USH2A: variants seen among roughly 807,000 people sequenced by gnomAD.
USH2A encodes Usher syndrome 2A (autosomal recessive, mild).
In USH2A, 443 loss-of-function variants were observed where a neutral mutation model predicts 538.9. The observed-to-expected ratio is 0.82, with a 90% confidence interval of 0.76 to 0.89. USH2A has a LOEUF of 0.89. USH2A is among the 40% of genes least tolerant of loss of function. USH2A has a pLI of 0.00. For missense variants in USH2A, 6,633 were observed against 6,324.8 expected (o/e 1.05, Z -1.65); for synonymous variants, 2,413 against 2,273.5 (o/e 1.06, Z -1.75).
chr1:216,011,492 C>T (rs954076858), intron 32 of USH2A, among the ~76,000 whole-genome samples: 3 of 152,110 alleles, frequency 2.0e-5, no homozygotes, highest in Non-Finnish European at 2.9e-5. Context: ...ATCTCCCAAA[C>T]CTCAATCCCT....
At chr1:216,417,529 T>C (rs72733372) in intron 3 of USH2A, among the ~76,000 whole-genome samples, 1 of 152,092 alleles carries the variant, frequency 6.6e-6, no homozygotes, top group Non-Finnish European at 1.5e-5. Context: ...CGTTTTCTCA[T>C]CAGTACTTTA....
intron 4 of USH2A, among the ~76,000 whole-genome samples, chr1:216,346,997 G>T (rs1053954448): frequency 6.6e-6 from 1 of 152,040 alleles, no homozygotes; most frequent in East Asian, 1.9e-4. Flanking sequence ...CTTTAGGAAT[G>T]TTTGGGAAAT....
intron 61 of USH2A, among the ~76,000 whole-genome samples, chr1:215,680,882 GTA>G (rs928496915): frequency 1.3e-5 from 2 of 152,056 alleles, no homozygotes; most frequent in African/African-American, 2.4e-5. Context: ...CTCTTGGCAT[GTA>G]TATATATCTT....
intron 4 of USH2A, among the ~76,000 whole-genome samples, chr1:216,341,479 G>T (rs975928582): frequency 1.3e-5 from 2 of 152,062 alleles, no homozygotes; most frequent in African/African-American, 4.8e-5. Flanking sequence ...TTTCTTCACA[G>T]AATTAGAAAA....
intron 16 of USH2A, among the ~76,000 whole-genome samples, chr1:216,201,302 CT>C (rs976254448): frequency 2.7e-5 from 4 of 148,144 alleles, no homozygotes; most frequent in Non-Finnish European, 3.0e-5. Context: ...CATTCCCAGT[CT>C]TTTTTCTTTT....
At chr1:215,720,515 A>G (rs754601282) in intron 61 of USH2A, among the ~76,000 whole-genome samples, 4 of 152,222 alleles carry the variant, frequency 2.6e-5, no homozygotes, top group Non-Finnish European at 4.4e-5. Flanking sequence ...AATGAATTCC[A>G]AAGTTAGGAG....
At chr1:215,635,156 T>C (rs1656435054) in intron 69 of USH2A, among the ~76,000 whole-genome samples, 2 of 152,194 alleles carry the variant, frequency 1.3e-5, no homozygotes, top group Non-Finnish European at 2.9e-5. Context: ...AGATCTGAGG[T>C]GTACTTGCTT....
chr1:216,198,057 A>G lies in USH2A; in HGVS notation c.4081+258T>C, dbSNP rs12031019. On this transcript the variant is annotated intron_variant, in intron 18 of 71. Coordinates refer to ENST00000307340, the MANE Select transcript of USH2A (RefSeq NM_206933.4). ...TTTTGACAAACATTCCCAGAAGACTATAACTATAGTTAAGCCATTTTCGCC... is the reference window on the plus strand; with the variant it reads ...TTTTGACAAACATTCCCAGAAGACTGTAACTATAGTTAAGCCATTTTCGCC... 2.0e-4 allele frequency among the ~76,000 whole-genome samples: 30 copies of G among 152,256 alleles called. No individual in the cohort carries two copies. In the East Asian group the frequency reaches 4.7e-3, roughly 24 times the overall value.
intron 14 of USH2A, 115 bp from the exon 15 acceptor site, chr1:216,217,665 T>C (rs1197811391): frequency 8.2e-7 from 1 of 1,226,494 alleles, no homozygotes; most frequent in African/African-American, 1.5e-5. Flanking sequence ...TTAGCCAATA[T>C]ATTGAAAAGA....
intron 70 of USH2A, among the ~76,000 whole-genome samples, chr1:215,631,808 C>A (rs1656291900): frequency 6.6e-6 from 1 of 152,166 alleles, no homozygotes; most frequent in South Asian, 2.1e-4. Flanking sequence ...TGCATTTCCC[C>A]GATGGTAAAG....
chr1:216,128,545 C>T (rs552983931), intron 21 of USH2A, among the ~76,000 whole-genome samples: 11 of 152,164 alleles, frequency 7.2e-5, no homozygotes, highest in East Asian at 5.8e-4. Flanking sequence ...TATCTATCCT[C>T]GAAGACTTCC....
intron 11 of USH2A, among the ~76,000 whole-genome samples, chr1:216,269,199 G>A (rs183123854): frequency 2.0e-5 from 3 of 152,216 alleles, no homozygotes; most frequent in African/African-American, 7.2e-5. Flanking sequence ...GTTGTGGGGG[G>A]AGACCCAGTG....
At chr1:216,356,146 C>T (rs894742270) in intron 4 of USH2A, among the ~76,000 whole-genome samples, 5 of 152,046 alleles carry the variant, frequency 3.3e-5, no homozygotes, top group African/African-American at 1.2e-4. Flanking sequence ...CTTTGCTTCT[C>T]AGGCACAAAT....
chr1:215,914,068 C>CTTTTTT (rs11366554), intron 38 of USH2A, among the ~76,000 whole-genome samples: 4 of 92,004 alleles, frequency 4.3e-5, no homozygotes, highest in African/African-American at 1.2e-4. Context: ...AAGCAACAGA[C>CTTTTTT]TTTTTTTTTT....
chr1:216,149,569 C>T (rs1009767270), intron 21 of USH2A, among the ~76,000 whole-genome samples: 1 of 152,208 alleles, frequency 6.6e-6, no homozygotes, highest in African/African-American at 2.4e-5. Flanking sequence ...CGAGATGCTA[C>T]AGGGTACAGT....
intron 42 of USH2A, among the ~76,000 whole-genome samples, 175 bp from the exon 43 acceptor site, chr1:215,878,055 C>A (rs570609685): frequency 3.9e-5 from 6 of 152,034 alleles, no homozygotes; most frequent in Admixed American, 1.3e-4. Context: ...TTTTCTGGAC[C>A]AAATTCCATA....
chr1:215,938,511 G>T (rs1666559889), intron 37 of USH2A, among the ~76,000 whole-genome samples: 1 of 152,104 alleles, frequency 6.6e-6, no homozygotes, highest in Non-Finnish European at 1.5e-5. Context: ...CTTTCAGTGG[G>T]CTGGAAAATG....
intron 61 of USH2A, among the ~76,000 whole-genome samples, chr1:215,705,533 T>C (rs895174064): frequency 4.6e-5 from 7 of 152,148 alleles, no homozygotes; most frequent in Non-Finnish European, 8.8e-5. Context: ...GACGGAGAAA[T>C]ATGAAAAAAT....
chr1:215,746,322 C>T (rs979446030), intron 58 of USH2A, among the ~76,000 whole-genome samples: 1 of 151,802 alleles, frequency 6.6e-6, no homozygotes, highest in Admixed American at 6.6e-5. Flanking sequence ...TAGGCCCTGG[C>T]CACCCCAACC....
Sources: allele counts gnomAD v4.1 joint callset (sites outside exome capture counted in the v4.1 genomes callset), GRCh38; gene constraint gnomAD v4.1.1; transcripts MANE v1.5; gene names NCBI Gene and HGNC (gene_info 2026-07-23, HGNC 2026-07-21).